The following BID variants were observed in gnomAD, a reference collection of about 807,000 sequenced individuals.
The protein encoded by BID is BH3-interacting domain death agonist.
Under a neutral mutation model 17.4 loss-of-function variants are expected in BID, and 19 were observed. The observed-to-expected ratio is 1.09, with a 90% confidence interval of 0.76 to 1.60. The LOEUF is 1.60. Ranked by LOEUF, BID falls within the 40% of genes most tolerant of loss-of-function variation. The pLI is 0.00. For synonymous variants in BID, 108 were observed against 102.8 expected (o/e 1.05, Z -0.31); for missense variants, 226 against 256.0 (o/e 0.88, Z 0.80).
rs184881008 is a variant in BID at position 17,756,585 on chromosome 22, T to C, written c.-58-6411A>G. On this transcript the variant is annotated intron_variant, in intron 1 of 5. Coordinates refer to ENST00000622694, the MANE Select transcript of BID (RefSeq NM_001196.4). ...TTCCTTTCCTTTCTTTCTTTTTTTTTTCTTTTTTGAGATGGAGTCTCGCTC... is the reference window on the plus strand; with the variant it reads ...TTCCTTTCCTTTCTTTCTTTTTTTTCTCTTTTTTGAGATGGAGTCTCGCTC... Among the ~76,000 whole-genome samples, 10 of 131,618 alleles carry C rather than the reference T, an allele frequency of 7.6e-5. No individual in the cohort carries two copies. In the East Asian group the frequency reaches 1.5e-3, roughly 20 times the overall value. The allele number at this position is 131,618 out of a possible 152,430, so 86.3% of individuals were successfully genotyped here. A position where few individuals can be genotyped will look rare whatever the true frequency, so the allele number is the denominator to read the frequency against.
intron 1 of BID, among the ~76,000 whole-genome samples, chr22:17,757,601 C>G (rs183510829): frequency 4.0e-5 from 6 of 148,620 alleles, no homozygotes; most frequent in Non-Finnish European, 7.4e-5. Flanking sequence ...CCCAGCTACT[C>G]GGGAGGCTGA....
At chr22:17,753,776 G>A (rs1020564855) in intron 1 of BID, among the ~76,000 whole-genome samples, 1 of 152,224 alleles carries the variant, frequency 6.6e-6, no homozygotes, top group Non-Finnish European at 1.5e-5. Flanking sequence ...GATGGGAAAC[G>A]GGAAATACCC....
chr22:17,756,412 CTT>C (rs1325493280), intron 1 of BID, among the ~76,000 whole-genome samples: 3 of 40,234 alleles, frequency 7.5e-5, no homozygotes, highest in East Asian at 0.02. Flanking sequence ...TCTTTTTTCT[CTT>C]TCTTTCTTTC....
intron 1 of BID, among the ~76,000 whole-genome samples, chr22:17,766,612 CAG>C (rs1457453230): frequency 7.0e-5 from 10 of 143,624 alleles, no homozygotes; most frequent in Non-Finnish European, 4.6e-5. Context: ...TTTTTTGAGA[CAG>C]AGTCTCACTC....
intron 1 of BID, among the ~76,000 whole-genome samples, chr22:17,759,241 C>CA (rs1555906713): frequency 1.0e-4 from 10 of 97,082 alleles, no homozygotes; most frequent in East Asian, 1.0e-3. Context: ...AAACAAAAAA[C>CA]AAAACAAAAA....
chr22:17,735,713 T>G (rs1249282990), intron 5 of BID, 122 bp from the exon 6 acceptor site: 8 of 1,183,712 alleles, frequency 6.8e-6, no homozygotes, highest in Non-Finnish European at 9.9e-6. Context: ...TCCAGACCCC[T>G]GAAGTCCTAT....
At chr22:17,739,235 C>T in intron 4 of BID, 114 bp downstream of exon 4, 1 of 1,346,276 alleles carries the variant, frequency 7.4e-7, no homozygotes, top group Non-Finnish European at 9.8e-7. Context: ...AGTTCTGGAC[C>T]TGACAGTCAC....
At chr22:17,751,290 T>A (rs1225588223) in intron 1 of BID, among the ~76,000 whole-genome samples, 1 of 150,712 alleles carries the variant, frequency 6.6e-6, no homozygotes, top group Non-Finnish European at 1.5e-5. Context: ...GAGAATGGCG[T>A]GAACCCGGGA....
At chr22:17,751,763 G>A (rs138894536) in intron 1 of BID, among the ~76,000 whole-genome samples, 62 of 152,326 alleles carry the variant, frequency 4.1e-4, no homozygotes, top group Non-Finnish European at 7.4e-4. Context: ...CTGGCTGTGT[G>A]TGGCCGTGCA....
At chr22:17,771,433 C>G (rs62238876) in intron 1 of BID, among the ~76,000 whole-genome samples, 1,856 of 152,026 alleles carry the variant, frequency 0.012, 17 homozygotes, top group Non-Finnish European at 0.019. Flanking sequence ...TTCCCACCCC[C>G]ACCCTGGCCA....
chr22:17,739,911 A>T, intron 3 of BID: 1 of 724,030 alleles, frequency 1.4e-6, no homozygotes, highest in Non-Finnish European at 2.3e-6. Context: ...TTGCCCTCTC[A>T]AGCCTGAGAG....
intron 1 of BID, chr22:17,774,095 G>A: frequency 3.7e-6 from 1 of 272,238 alleles, no homozygotes; most frequent in Non-Finnish European, 7.1e-6. Context: ...ACGTGGAGAG[G>A]ACACAACAAA....
At chr22:17,766,500 C>G (rs998239147) in intron 1 of BID, among the ~76,000 whole-genome samples, 2 of 152,044 alleles carry the variant, frequency 1.3e-5, no homozygotes, top group African/African-American at 4.8e-5. Context: ...TGGCTGGTCT[C>G]AAACTCCCGA....
At chr22:17,742,868 G>A (rs963478468) in intron 3 of BID, among the ~76,000 whole-genome samples, 4 of 152,392 alleles carry the variant, frequency 2.6e-5, no homozygotes, top group East Asian at 1.9e-4. Context: ...GCCTCCACTC[G>A]GGACAGCCCC....
chr22:17,737,395 A>G (rs2061427887), intron 5 of BID, among the ~76,000 whole-genome samples: 1 of 151,658 alleles, frequency 6.6e-6, no homozygotes, highest in Non-Finnish European at 1.5e-5. Context: ...CGCCCAGGCT[A>G]AAGTGCAGTG....
intron 2 of BID, among the ~76,000 whole-genome samples, chr22:17,744,918 C>T (rs2061485592): frequency 6.6e-6 from 1 of 152,192 alleles, no homozygotes; most frequent in Non-Finnish European, 1.5e-5. Flanking sequence ...ACCTCCTGGG[C>T]TGCCAGAGAA....
At chr22:17,737,602 T>A (rs2061429305) in intron 5 of BID, among the ~76,000 whole-genome samples, 1 of 152,224 alleles carries the variant, frequency 6.6e-6, no homozygotes, top group Non-Finnish European at 1.5e-5. Context: ...TGCCTTGGCC[T>A]CCCAGAGCAG....
intron 1 of BID, among the ~76,000 whole-genome samples, chr22:17,760,674 G>A (rs981119954): frequency 6.6e-6 from 1 of 152,016 alleles, no homozygotes. Context: ...CCAGCCTCAC[G>A]AAGCCCTGGC....
At chr22:17,749,034 G>A (rs2061517174) in intron 2 of BID, among the ~76,000 whole-genome samples, 4 of 152,216 alleles carry the variant, frequency 2.6e-5, no homozygotes, top group Admixed American at 2.6e-4. Flanking sequence ...CCCCAGTAGG[G>A]GCAGCTTGAG....
Sources: allele counts gnomAD v4.1 joint callset (sites outside exome capture counted in the v4.1 genomes callset), GRCh38; gene constraint gnomAD v4.1.1; transcripts MANE v1.5; gene names NCBI Gene and HGNC (gene_info 2026-07-23, HGNC 2026-07-21).